MAST4: variants seen among roughly 807,000 people sequenced by gnomAD.
MAST4 encodes the protein microtubule-associated serine/threonine-protein kinase 4.
MAST4 carries 89 observed loss-of-function variants against 162.7 expected under a neutral mutation model. The ratio of observed to expected loss-of-function variants is 0.55; its 90% CI spans 0.46 to 0.65. MAST4 has a LOEUF of 0.65. Among genes scored for constraint, MAST4 ranks in the 30% least tolerant of loss-of-function variants. The pLI is 0.00. For missense variants in MAST4, 3,153 were observed against 3,374.0 expected, an observed-to-expected ratio of 0.93 and a Z score of 1.62; for synonymous variants, 1,479 against 1,361.1, an observed-to-expected ratio of 1.09 and a Z score of -1.91.
intron 3 of MAST4, among the ~76,000 whole-genome samples, chr5:66,823,771 A>G (rs749137724): frequency 6.6e-6 from 1 of 152,210 alleles, no homozygotes; most frequent in Non-Finnish European, 1.5e-5. Flanking sequence ...TTGGGATTAC[A>G]GGTGTGAACC....
intron 1 of MAST4, among the ~76,000 whole-genome samples, chr5:66,728,300 GA>G (rs1360817665): frequency 6.6e-6 from 1 of 152,046 alleles, no homozygotes; most frequent in African/African-American, 2.4e-5. Flanking sequence ...TAACAGTATA[GA>G]AATTTCCATG....
intron 3 of MAST4, among the ~76,000 whole-genome samples, chr5:66,832,549 T>C (rs1372271597): frequency 3.9e-5 from 6 of 152,144 alleles, no homozygotes; most frequent in Admixed American, 6.6e-5. Flanking sequence ...GGAAGCAAAA[T>C]AGCAGATAGA....
chr5:66,765,172 C>T (rs1436360267), intron 2 of MAST4, among the ~76,000 whole-genome samples: 1 of 152,116 alleles, frequency 6.6e-6, no homozygotes, highest in African/African-American at 2.4e-5. Context: ...TGCATAAGTA[C>T]ACCCTATGAT....
At chr5:66,992,508 C>T (rs1396170872) in intron 4 of MAST4, among the ~76,000 whole-genome samples, 1 of 152,216 alleles carries the variant, frequency 6.6e-6, no homozygotes, top group Non-Finnish European at 1.5e-5. Flanking sequence ...ATACCTTGCA[C>T]TTTCATCTTA....
intron 1 of MAST4, among the ~76,000 whole-genome samples, chr5:66,757,149 C>T (rs1423439997): frequency 6.6e-6 from 1 of 152,066 alleles, no homozygotes; most frequent in Non-Finnish European, 1.5e-5. Flanking sequence ...TGTGATACAG[C>T]AGTCTTCCCC....
intron 4 of MAST4, among the ~76,000 whole-genome samples, chr5:67,010,674 G>A (rs150405969): frequency 4.7e-4 from 72 of 152,252 alleles, no homozygotes; most frequent in African/African-American, 1.6e-3. Context: ...AGACTTAGTC[G>A]GAAAAAGTCC....
At chr5:67,085,942 C>T (rs1211646391) in intron 5 of MAST4, among the ~76,000 whole-genome samples, 1 of 152,076 alleles carries the variant, frequency 6.6e-6, no homozygotes, top group Non-Finnish European at 1.5e-5. Context: ...TTCCAGTGCC[C>T]ACTTTATCTG....
chr5:66,605,630 A>T (rs1742833223), intron 1 of MAST4, among the ~76,000 whole-genome samples: 4 of 152,160 alleles, frequency 2.6e-5, no homozygotes, highest in Admixed American at 2.6e-4. Context: ...GTCAGTGACC[A>T]AGTCTCCCTA....
chr5:66,852,251 G>A (rs938857876), intron 3 of MAST4, among the ~76,000 whole-genome samples: 1 of 152,088 alleles, frequency 6.6e-6, no homozygotes, highest in Non-Finnish European at 1.5e-5. Context: ...AGGCTCAGGT[G>A]GTCCTCCCAC....
At chr5:66,640,309 C>CTTTTTTTT (rs770087325) in intron 1 of MAST4, among the ~76,000 whole-genome samples, 2 of 139,918 alleles carry the variant, frequency 1.4e-5, no homozygotes, top group Non-Finnish European at 1.6e-5. Context: ...CAATTTGTTT[C>CTTTTTTTT]TTTTTTTTTT....
At chr5:66,799,447 G>A (rs1755810417) in intron 3 of MAST4, among the ~76,000 whole-genome samples, 1 of 152,290 alleles carries the variant, frequency 6.6e-6, no homozygotes, top group Admixed American at 6.5e-5. Flanking sequence ...AATGCCTAAA[G>A]AGCTCAGGAA....
At chr5:66,729,126 CA>C (rs1751691257) in intron 1 of MAST4, among the ~76,000 whole-genome samples, 1 of 152,146 alleles carries the variant, frequency 6.6e-6, no homozygotes, top group African/African-American at 2.4e-5. Flanking sequence ...TTAACTGACC[CA>C]TTTGAAAGGA....
At chr5:66,959,861 G>GTTTT (rs563842060) in intron 4 of MAST4, among the ~76,000 whole-genome samples, 9 of 147,042 alleles carry the variant, frequency 6.1e-5, no homozygotes, top group African/African-American at 1.7e-4. Context: ...TTGCTTAGCT[G>GTTTT]TTTTTTTTTT....
At chr5:66,953,007 C>T (rs1469384837) in intron 4 of MAST4, among the ~76,000 whole-genome samples, 1 of 152,166 alleles carries the variant, frequency 6.6e-6, no homozygotes, top group Non-Finnish European at 1.5e-5. Flanking sequence ...ATCACCACAC[C>T]TAGAACAGGG....
chr5:66,989,101 A>G (rs1304532135), intron 4 of MAST4, among the ~76,000 whole-genome samples: 1 of 152,186 alleles, frequency 6.6e-6, no homozygotes, highest in Non-Finnish European at 1.5e-5. Flanking sequence ...TATATTTTAG[A>G]GGAAAAAAAG....
intron 1 of MAST4, among the ~76,000 whole-genome samples, chr5:66,722,176 T>G (rs966302548): frequency 6.6e-6 from 1 of 152,096 alleles, no homozygotes; most frequent in East Asian, 1.9e-4. Context: ...AAACCAAAAT[T>G]CTTACATTTG....
At chr5:66,966,692 G>A (rs1271348197) in intron 4 of MAST4, among the ~76,000 whole-genome samples, 2 of 152,176 alleles carry the variant, frequency 1.3e-5, no homozygotes, top group African/African-American at 4.8e-5. Context: ...CTAACAATAG[G>A]GAAGCCTGGG....
chr5:67,166,993 T>G lies in MAST4; in HGVS notation c.7814T>G (p.Val2605Gly), dbSNP rs762119855. The G allele has an allele frequency of 3.1e-6, 5 of 1,610,136 alleles. No homozygotes were observed. Among genetic ancestry groups the G allele is most frequent in the Non-Finnish European group, 4.2e-6 (5 of 1,178,776 alleles). Residue 2605 changes from valine (V) to glycine (G), a missense_variant, in exon 29 of 29, where the codon GTA becomes GGA. Physicochemically the swap from Val to Gly is moderately radical, Grantham distance 109 (BLOSUM62 -3). This residue lies in a region of MAST4 where 1,644 missense variants were observed against 1,495.0 expected (regional missense o/e 1.10). Transcript: ENST00000403625. ...CTTTCTAATGAGAAGGACTTTGTGG[T>G]ACGGCAGAGGCGGGGGAAAGAGAGT... Reference protein sequence around the residue: ...ISLSNEKDFVVRQRRGKESLR... With the variant: ...ISLSNEKDFVGRQRRGKESLR...
intron 1 of MAST4, among the ~76,000 whole-genome samples, chr5:66,696,158 A>T (rs1391313721): frequency 2.0e-5 from 3 of 152,148 alleles, no homozygotes; most frequent in Non-Finnish European, 4.4e-5. Context: ...CAATGAGAAC[A>T]CATGGGGATA....
Sources: gnomAD v4.1 joint callset for allele counts (sites outside exome capture counted in the v4.1 genomes callset) on GRCh38, gnomAD v4.1.1 for gene constraint, gnomAD v4.1.1 regional missense constraint, MANE v1.5 for transcripts, NCBI Gene and HGNC (gene_info 2026-07-23, HGNC 2026-07-21) for gene names.